KHDRBS2: variants seen among roughly 807,000 people sequenced by gnomAD.
KHDRBS2 encodes KH RNA binding domain containing, signal transduction associated 2.
A neutral mutation model predicts 44.3 loss-of-function variants in KHDRBS2; 26 were observed. The observed-to-expected ratio is 0.59, with a 90% CI of 0.43 to 0.81. The LOEUF (loss-of-function observed/expected upper bound fraction) is 0.81, where lower values mean the gene tolerates loss of function less well. Ranked by LOEUF, KHDRBS2 falls within the 40% of genes least tolerant of loss-of-function variation. KHDRBS2 has a pLI of 0.00. For synonymous variants in KHDRBS2, 194 were observed against 151.1 expected, an observed-to-expected ratio of 1.28 and a Z score of -2.08; for missense variants, 476 against 433.1, an observed-to-expected ratio of 1.10 and a Z score of -0.88.
intron 1 of KHDRBS2, among the ~76,000 whole-genome samples, chr6:62,205,194 T>C (rs1827735342): frequency 6.6e-6 from 1 of 152,122 alleles, no homozygotes; most frequent in South Asian, 2.1e-4. Flanking sequence ...GCACAAATGC[T>C]AATACTCTGG....
At chr6:62,210,288 G>T (rs1380115545) in intron 1 of KHDRBS2, among the ~76,000 whole-genome samples, 1 of 150,008 alleles carries the variant, frequency 6.7e-6, no homozygotes, top group Non-Finnish European at 1.5e-5. Flanking sequence ...ACACATACTA[G>T]CTGCTAAAGG....
At chr6:61,881,161 C>G (rs1800154518) in intron 6 of KHDRBS2, among the ~76,000 whole-genome samples, 1 of 151,864 alleles carries the variant, frequency 6.6e-6, no homozygotes, top group Non-Finnish European at 1.5e-5. Context: ...AATCCTGAAC[C>G]TCAGATCCAC....
At chr6:61,771,322 A>G (rs1780863240) in intron 6 of KHDRBS2, among the ~76,000 whole-genome samples, 1 of 152,204 alleles carries the variant, frequency 6.6e-6, no homozygotes, top group Non-Finnish European at 1.5e-5. Context: ...ACAGGATCAA[A>G]TTCACACATA....
intron 4 of KHDRBS2, among the ~76,000 whole-genome samples, chr6:61,954,357 GCATACATATATA>G (rs1342623920): frequency 1.5e-5 from 1 of 67,986 alleles, no homozygotes; most frequent in Non-Finnish European, 3.9e-5. Context: ...ACATATGTAT[GCATACATATATA>G]CGTATGTATG....
the KHDRBS2 span, among the ~76,000 whole-genome samples, chr6:61,625,755 G>C: frequency 6.6e-6 from 1 of 152,078 alleles, no homozygotes; most frequent in Admixed American, 6.6e-5. Context: ...ATTTCTCCCA[G>C]TAATCACTTA....
intron 6 of KHDRBS2, among the ~76,000 whole-genome samples, chr6:61,741,098 A>G (rs552966435): frequency 6.6e-6 from 1 of 151,866 alleles, no homozygotes; most frequent in Non-Finnish European, 1.5e-5. Context: ...CCCAAAAGAT[A>G]TTATTTCTTG....
chr6:62,133,263 A>G (rs1045285820), intron 2 of KHDRBS2, among the ~76,000 whole-genome samples: 9 of 152,142 alleles, frequency 5.9e-5, no homozygotes, highest in African/African-American at 2.2e-4. Flanking sequence ...TGGGAGAGAC[A>G]CAGTGGGAGA....
chr6:62,180,607 G>A (rs1323321227), intron 1 of KHDRBS2, among the ~76,000 whole-genome samples: 1 of 151,780 alleles, frequency 6.6e-6, no homozygotes, highest in African/African-American at 2.4e-5. Context: ...TTGTTAAAAT[G>A]TCCATAATAC....
chr6:61,795,981 T>C lies in KHDRBS2; in HGVS notation c.811-63217A>G, dbSNP rs141544260. 2.1e-3 allele frequency among the ~76,000 whole-genome samples: 313 copies of C among 152,252 alleles called. 1 individual carries two copies. Among genetic ancestry groups the C allele is most frequent in the African/African-American group, 7.1e-3 (294 of 41,574 alleles). On this transcript the variant is annotated intron_variant, in intron 6 of 8. Transcript: ENST00000281156. Reference sequence around the variant, plus strand: ...AGTCCAGTAGTTAAGATCATGAGGATGGAATAAAACAGAATGGGTGTGAGT... The same window carrying C: ...AGTCCAGTAGTTAAGATCATGAGGACGGAATAAAACAGAATGGGTGTGAGT...
chr6:61,607,519 G>GAAAAAAAAAAAAAAAAAAAAAAAAAAA, the KHDRBS2 span, among the ~76,000 whole-genome samples: 6 of 23,322 alleles, frequency 2.6e-4, no homozygotes, highest in Non-Finnish European at 3.0e-4. Context: ...TGAGTTCCAA[G>GAAAAAAAAAAAAAAAAAAAAAAAAAAA]CAAAAAAAAA....
intron 2 of KHDRBS2, among the ~76,000 whole-genome samples, chr6:62,141,797 G>A (rs1198861953): frequency 6.6e-6 from 1 of 152,016 alleles, no homozygotes; most frequent in Non-Finnish European, 1.5e-5. Flanking sequence ...ATGTACATGA[G>A]TGCTAGTACA....
At chr6:61,710,908 C>T (rs1770404649) in intron 7 of KHDRBS2, among the ~76,000 whole-genome samples, 1 of 146,020 alleles carries the variant, frequency 6.8e-6, no homozygotes, top group African/African-American at 2.5e-5. Context: ...CTCTGAGCCC[C>T]ATTCTTCAGA....
rs1374751167 is a variant in KHDRBS2 at position 61,894,762 on chromosome 6, A to C, written c.683T>G (p.Val228Gly). 5 of 1,613,498 alleles carry C rather than the reference A, an allele frequency of 3.1e-6. No homozygotes were observed. Among genetic ancestry groups the C allele is most frequent in the Non-Finnish European group, 4.2e-6 (5 of 1,179,814 alleles). Reference protein sequence around the residue: ...RGVLTPRGSTVTRGALPVPPV... With the variant: ...RGVLTPRGSTGTRGALPVPPV... Reference sequence around the variant, plus strand: ...TGGCACTGGAAGCGCTCCACGGGTTACAGTGCTTCCCCGAGGGGTGAGAAC... The same window carrying C: ...TGGCACTGGAAGCGCTCCACGGGTTCCAGTGCTTCCCCGAGGGGTGAGAAC... The change falls in exon 6 of 9, where the codon GTA (valine) becomes GGA (glycine). Residue 228 changes from valine (V) to glycine (G), a missense_variant. Coordinates refer to ENST00000281156, the MANE Select transcript of KHDRBS2 (RefSeq NM_152688.4).
chr6:62,116,143 G>T lies in KHDRBS2; in HGVS notation c.219+61042C>A, dbSNP rs939343050. Among the ~76,000 whole-genome samples, 69 of 152,074 alleles carry T rather than the reference G, an allele frequency of 4.5e-4. 1 individual carries two copies. Among genetic ancestry groups the T allele is most frequent in the African/African-American group, 1.6e-3 (66 of 41,510 alleles). On this transcript the variant is annotated intron_variant, in intron 2 of 8. Coordinates refer to ENST00000281156, the MANE Select transcript of KHDRBS2 (RefSeq NM_152688.4). Reference sequence around the variant, plus strand: ...ATATTGTATGCATACAAACTGGAAGGATTAAATCAAGCTAACTAATAGATC... The same window carrying T: ...ATATTGTATGCATACAAACTGGAAGTATTAAATCAAGCTAACTAATAGATC...
rs112328064 is a variant in KHDRBS2 at position 61,908,876 on chromosome 6, T to C, written c.484-7505A>G. Among the ~76,000 whole-genome samples, 85 of 152,260 alleles carry C rather than the reference T, an allele frequency of 5.6e-4. 1 individual carries two copies. Among genetic ancestry groups the C allele is most frequent in the African/African-American group, 1.9e-3 (79 of 41,560 alleles). ...CAAATAGTAAAGAATGCTTTACTGTTTTGGCATATACCTGCAGTAAATAAA... is the reference window on the plus strand; with the variant it reads ...CAAATAGTAAAGAATGCTTTACTGTCTTGGCATATACCTGCAGTAAATAAA... On this transcript the variant is annotated intron_variant, in intron 4 of 8. Coordinates refer to ENST00000281156, the MANE Select transcript of KHDRBS2 (RefSeq NM_152688.4).
At chr6:61,971,256 A>G (rs539833514) in intron 4 of KHDRBS2, among the ~76,000 whole-genome samples, 26 of 152,236 alleles carry the variant, frequency 1.7e-4, no homozygotes, top group African/African-American at 6.3e-4. Flanking sequence ...ACTAAAGATG[A>G]GATAGAAGTT....
At chr6:61,922,030 C>A (rs945280783) in intron 4 of KHDRBS2, among the ~76,000 whole-genome samples, 1 of 151,848 alleles carries the variant, frequency 6.6e-6, no homozygotes, top group African/African-American at 2.4e-5. Flanking sequence ...AATTATATCT[C>A]ATAGTAAATA....
intron 1 of KHDRBS2, among the ~76,000 whole-genome samples, chr6:62,275,008 TACAC>T (rs145870587): frequency 0.045 from 6,422 of 142,430 alleles, 294 homozygotes; most frequent in African/African-American, 0.13. Context: ...GCTCATCAAA[TACAC>T]ACACACACAC....
chr6:61,595,085 C>T, the KHDRBS2 span, among the ~76,000 whole-genome samples: 1 of 152,062 alleles, frequency 6.6e-6, no homozygotes, highest in Non-Finnish European at 1.5e-5. Flanking sequence ...AAAGGAGGTA[C>T]CACAATCTTT....
Sources: allele counts gnomAD v4.1 joint callset (sites outside exome capture counted in the v4.1 genomes callset), GRCh38; gene constraint gnomAD v4.1.1; transcripts MANE v1.5; gene names NCBI Gene and HGNC (gene_info 2026-07-23, HGNC 2026-07-21).